PKHD1: variants seen among roughly 807,000 people sequenced by gnomAD.
The protein encoded by PKHD1 is fibrocystin.
In PKHD1, 291 loss-of-function variants were observed where a neutral mutation model predicts 412.0. The ratio of observed to expected loss-of-function variants is 0.71; its 90% CI spans 0.64 to 0.78. The LOEUF is 0.78. Among genes scored for constraint, PKHD1 ranks in the 30% least tolerant of loss-of-function variants. PKHD1 has a pLI of 0.00. For missense variants in PKHD1, 4,825 were observed against 4,950.7 expected, an observed-to-expected ratio of 0.97 and a Z score of 0.76; for synonymous variants, 1,777 against 1,821.5, an observed-to-expected ratio of 0.98 and a Z score of 0.62.
At position 51,618,435 on chromosome 6, in the gene PKHD1, C is replaced by T. The variant is rs1287862586; in HGVS notation, c.*646G>A. 6.5e-6 allele frequency: 1 copy of T among 153,304 alleles called. No homozygotes were observed. Among genetic ancestry groups the T allele is most frequent in the African/African-American group, 2.4e-5 (1 of 41,382 alleles). The allele number at this position is 153,304 out of a possible 1,614,324, so 9.5% of individuals were successfully genotyped here. ...CTCTCAGCAAAGCCCATGAGAATAT[C>T]AATTTTCATGTGTAAATCCTCATGA... On this transcript the variant is annotated 3_prime_UTR_variant, in exon 67 of 67. Transcript: ENST00000371117.
chr6:51,669,974 G>C (rs987753840), intron 60 of PKHD1, among the ~76,000 whole-genome samples: 1 of 151,438 alleles, frequency 6.6e-6, no homozygotes, highest in Non-Finnish European at 1.5e-5. Flanking sequence ...CAACTATGTG[G>C]TCAATTTTGG....
chr6:52,035,324 C>T (rs529706162), intron 28 of PKHD1, among the ~76,000 whole-genome samples: 38 of 152,280 alleles, frequency 2.5e-4, no homozygotes, highest in African/African-American at 8.2e-4. Context: ...TTATTTGTTA[C>T]GTGTCACTAA....
chr6:52,034,263 C>T (rs1581862753), intron 28 of PKHD1, among the ~76,000 whole-genome samples: 1 of 144,448 alleles, frequency 6.9e-6, no homozygotes, highest in African/African-American at 2.6e-5. Flanking sequence ...ATAATATAAA[C>T]AGGTTTTATT....
rs930065710 is a variant in PKHD1, at chr6:52,053,938, A to T, written c.1964+100T>A. The stretch of plus-strand genomic sequence containing the variant: ...TCCCCAAATTAGTGTATGAGGCCCA[A>T]ATATAAGACCATTAGTGCCTGAGGT... On this transcript the variant is annotated intron_variant, in intron 20 of 66. Coordinates refer to ENST00000371117, the MANE Select transcript of PKHD1 (RefSeq NM_138694.4). The T allele has an allele frequency of 5.5e-6, 7 of 1,277,518 alleles. 1 individual carries two copies. The highest frequency in any genetic ancestry group is 2.4e-5 in the South Asian group (2 of 82,134). The allele number at this position is 1,277,518 out of a possible 1,614,324, so 79.1% of individuals were successfully genotyped here. A position where few individuals can be genotyped will look rare whatever the true frequency, so the allele number is the denominator to read the frequency against.
chr6:52,044,183 G>A (rs1400812894), intron 25 of PKHD1, among the ~76,000 whole-genome samples: 4 of 152,144 alleles, frequency 2.6e-5, no homozygotes, highest in African/African-American at 9.7e-5. Context: ...TTTACTTGGG[G>A]TCTCTTTTGT....
At chr6:51,642,602 G>A (rs955090228) in intron 63 of PKHD1, among the ~76,000 whole-genome samples, 3 of 152,176 alleles carry the variant, frequency 2.0e-5, no homozygotes, top group Non-Finnish European at 4.4e-5. Context: ...CACTTTGGGA[G>A]GCCAATACGG....
In PKHD1 at chr6:52,076,293, G is replaced by A. The variant is rs751309442; in HGVS notation, c.431C>T (p.Pro144Leu). ...AQTPIVHQVY[P>L]PSGVPGKLIH... ...TTTCTTACCTGGAACACCACTTGGT[G>A]GATAAACTTGGTGAACGATGGGTGT... Residue 144 changes from proline to leucine, a missense_variant, in exon 6 of 67, where the codon CCA (proline) becomes CTA (leucine). Transcript: ENST00000371117. The A allele has an allele frequency of 1.2e-6, 2 of 1,610,856 alleles. No homozygotes were observed. The highest frequency in any genetic ancestry group is 1.7e-6 in the Non-Finnish European group (2 of 1,177,096).
chr6:52,014,387 C>T (rs1466418454), intron 34 of PKHD1, among the ~76,000 whole-genome samples: 1 of 152,246 alleles, frequency 6.6e-6, no homozygotes, highest in African/African-American at 2.4e-5. Context: ...TGACTTTCTT[C>T]TCTACCCTTA....
intron 35 of PKHD1, among the ~76,000 whole-genome samples, chr6:51,962,663 A>C (rs534382981): frequency 6.6e-6 from 1 of 152,240 alleles, no homozygotes; most frequent in Non-Finnish European, 1.5e-5. Context: ...AGTCACAAAA[A>C]GGAAGCTCCC....
intron 54 of PKHD1, among the ~76,000 whole-genome samples, chr6:51,774,857 T>C (rs1320804566): frequency 6.6e-6 from 1 of 151,808 alleles, no homozygotes. Context: ...TAAGGGAGAA[T>C]CCAAGAAAAT....
intron 46 of PKHD1, among the ~76,000 whole-genome samples, chr6:51,872,729 C>G (rs1256095775): frequency 1.3e-5 from 2 of 152,078 alleles, no homozygotes; most frequent in Non-Finnish European, 2.9e-5. Flanking sequence ...TATTCAGCCT[C>G]AAGACCAGAA....
In PKHD1 at chr6:51,744,424, T is replaced by C. The variant is rs1481886543; in HGVS notation, c.10117A>G (p.Lys3373Glu). ...GATGCAGTCCATTCTGCCTCTGTTT[T>C]AGGAAATACAGAAACTGGTGGAGGC... ...GLPPPVSVFP[K>E]TEAEWTASFF... The change falls in exon 60 of 67, where the codon AAA (lysine) becomes GAA (glutamate). Residue 3373 changes from lysine to glutamate, a missense_variant. Physicochemically the swap from Lys to Glu is moderately conservative, Grantham distance 56. Transcript: ENST00000371117. 2.5e-6 allele frequency: 4 copies of C among 1,613,970 alleles called. No individual in the cohort carries two copies. The highest frequency in any genetic ancestry group is 1.7e-5 in the Admixed American group (1 of 60,002).
chr6:52,060,149 AC>A (rs1257830863), intron 14 of PKHD1, 107 bp from the exon 15 acceptor site: 1 of 715,688 alleles, frequency 1.4e-6, no homozygotes, highest in East Asian at 2.7e-5. Flanking sequence ...ATAAAGAAGA[AC>A]AACCTGATTC....
intron 55 of PKHD1, among the ~76,000 whole-genome samples, chr6:51,766,458 G>A (rs1789026818): frequency 6.6e-6 from 1 of 151,808 alleles, no homozygotes. Flanking sequence ...TTCCATCTTT[G>A]CCAAATTAAA....
intron 15 of PKHD1, among the ~76,000 whole-genome samples, 171 bp from the exon 16 acceptor site, chr6:52,058,772 T>C (rs540182796): frequency 2.5e-4 from 1 of 3,984 alleles, no homozygotes; most frequent in Non-Finnish European, 6.2e-4. Context: ...TCTCCAGCTC[T>C]CTATCTATCT....
intron 46 of PKHD1, among the ~76,000 whole-genome samples, chr6:51,871,112 T>C (rs531306862): frequency 5.9e-5 from 9 of 152,306 alleles, no homozygotes; most frequent in Non-Finnish European, 1.0e-4. Flanking sequence ...TGTGGAAAAC[T>C]TTGGCAGTTT....
At chr6:51,880,967 A>G (rs902110529) in intron 46 of PKHD1, among the ~76,000 whole-genome samples, 95 of 147,552 alleles carry the variant, frequency 6.4e-4, no homozygotes, top group Admixed American at 9.4e-4. Context: ...CTCCGTCTCA[A>G]AAAAAAAAAA....
Position 52,082,576 on chromosome 6 carries a change from G to A in PKHD1, c.131-34C>T, listed in dbSNP as rs369013836. 8.1e-6 allele frequency: 13 copies of A among 1,609,658 alleles called. No homozygotes were observed. In the South Asian group the frequency reaches 1.2e-4, roughly 15 times the overall value. Reference sequence around the variant, plus strand: ...AGGGAAAGAAATCTCAGGCTGCATAGAATTGTCATTGACACAGGACAGTGT... The same window carrying A: ...AGGGAAAGAAATCTCAGGCTGCATAAAATTGTCATTGACACAGGACAGTGT... On this transcript the variant is annotated intron_variant, in intron 3 of 66. Coordinates refer to ENST00000371117, the MANE Select transcript of PKHD1 (RefSeq NM_138694.4).
intron 60 of PKHD1, among the ~76,000 whole-genome samples, chr6:51,685,237 C>A (rs191186228): frequency 2.6e-5 from 4 of 152,030 alleles, no homozygotes; most frequent in Non-Finnish European, 4.4e-5. Flanking sequence ...CTGAGACAAT[C>A]ATTTTATACC....
Sources: allele counts gnomAD v4.1 joint callset (sites outside exome capture counted in the v4.1 genomes callset), GRCh38; gene constraint gnomAD v4.1.1; transcripts MANE v1.5; gene names NCBI Gene and HGNC (gene_info 2026-07-23, HGNC 2026-07-21).